Variants in WDR27 observed in about 807,000 individuals in gnomAD.
WDR27 encodes WD repeat-containing protein 27.
Under a neutral mutation model 114.4 loss-of-function variants are expected in WDR27, and 100 were observed. The ratio of observed to expected loss-of-function variants is 0.87; its 90% confidence interval spans 0.74 to 1.03. The LOEUF (loss-of-function observed/expected upper bound fraction) is 1.03, where lower values mean the gene tolerates loss of function less well. WDR27 is among the 50% of genes least tolerant of loss of function. WDR27 has a pLI of 0.00. For synonymous variants in WDR27, 449 were observed against 423.1 expected (o/e 1.06, Z -0.75); for missense variants, 1,129 against 1,092.9 (o/e 1.03, Z -0.47).
intron 2 of WDR27, among the ~76,000 whole-genome samples, chr6:169,676,913 C>T (rs1404067423): frequency 6.6e-6 from 1 of 152,180 alleles, no homozygotes; most frequent in African/African-American, 2.4e-5. Flanking sequence ...GTTCTCAGGA[C>T]CTCAAGACTG....
In WDR27 at chr6:169,688,884, T is replaced by A. The variant is rs759680723; in HGVS notation, c.122A>T (p.Gln41Leu). The A allele has an allele frequency of 1.2e-6, 2 of 1,613,970 alleles. No individual in the cohort carries two copies. Among genetic ancestry groups the A allele is most frequent in the South Asian group, 2.2e-5 (2 of 91,072 alleles). The stretch of plus-strand genomic sequence containing the variant: ...TCCATCCAAAGGGAAAGCACAGTCC[T>A]GCATGCTGCAAGCAAGCTGAACATG... The part of the protein sequence containing the change: ...VSHVQLACSM[Q>L]DCAFPLDGTE... The change falls in exon 2 of 26, where the codon CAG (glutamine) becomes CTG (leucine). Residue 41 changes from glutamine (Q) to leucine (L), a missense_variant. Transcript: ENST00000448612.
intron 24 of WDR27, among the ~76,000 whole-genome samples, chr6:169,575,207 C>T: frequency 6.6e-6 from 1 of 151,690 alleles, no homozygotes; most frequent in Non-Finnish European, 1.5e-5. Flanking sequence ...TCCATCCATC[C>T]ACCCATCCAT....
intron 23 of WDR27, among the ~76,000 whole-genome samples, chr6:169,584,339 G>A (rs1804147208): frequency 1.3e-5 from 2 of 152,154 alleles, no homozygotes; most frequent in Admixed American, 1.3e-4. Flanking sequence ...TGAGCTTTTA[G>A]GTTGTTTCTA....
Position 169,560,296 on chromosome 6 carries a change from G to A in WDR27, c.2645+12123C>T, listed in dbSNP as rs372125895. Among the ~76,000 whole-genome samples the A allele has an allele frequency of 1.1e-3, 175 of 152,198 alleles. 1 individual carries two copies. The highest frequency in any genetic ancestry group is 3.5e-3 in the African/African-American group (147 of 41,518). On this transcript the variant is annotated intron_variant, in intron 25 of 25. Coordinates refer to ENST00000448612, the MANE Select transcript of WDR27 (RefSeq NM_182552.5). Reference sequence around the variant, plus strand: ...ATGTAAAAAGTGCCTTTTACCCTCCGCCATGTCTGGGAGGCCTCCCCAGCC... The same window carrying A: ...ATGTAAAAAGTGCCTTTTACCCTCCACCATGTCTGGGAGGCCTCCCCAGCC...
At chr6:169,660,865 A>G in intron 9 of WDR27, 99 bp from the exon 10 acceptor site, 1 of 1,007,790 alleles carries the variant, frequency 9.9e-7, no homozygotes, top group Non-Finnish European at 1.4e-6. Context: ...TCTCCGCAGG[A>G]GTGGGGAGTG....
chr6:169,511,814 A>C (rs1583881117), intron 25 of WDR27, among the ~76,000 whole-genome samples: 3 of 152,192 alleles, frequency 2.0e-5, no homozygotes, highest in African/African-American at 7.2e-5. Context: ...CATTCATAAA[A>C]AATTGATGGA....
chr6:169,681,226 G>C (rs539121631), intron 2 of WDR27, among the ~76,000 whole-genome samples: 2 of 152,220 alleles, frequency 1.3e-5, no homozygotes, highest in East Asian at 3.8e-4. Context: ...CTGAATGCAG[G>C]AACATGGATC....
chr6:169,563,769 T>G (rs1800014931), intron 25 of WDR27, among the ~76,000 whole-genome samples: 3 of 152,180 alleles, frequency 2.0e-5, no homozygotes, highest in Admixed American at 1.3e-4. Context: ...TGCCTTAATT[T>G]TGTGATTTCT....
intron 25 of WDR27, among the ~76,000 whole-genome samples, chr6:169,495,626 A>G (rs1010541839): frequency 2.6e-5 from 4 of 152,172 alleles, no homozygotes; most frequent in African/African-American, 9.6e-5. Flanking sequence ...AAAAAGCATT[A>G]TAAGAGAGCA....
chr6:169,700,798 A>C (rs1357260573), intron 1 of WDR27, among the ~76,000 whole-genome samples: 1 of 152,250 alleles, frequency 6.6e-6, no homozygotes, highest in Non-Finnish European at 1.5e-5. Flanking sequence ...AAAACATTTA[A>C]ACAATGCAGA....
At chr6:169,511,234 T>C (rs906655946) in intron 25 of WDR27, among the ~76,000 whole-genome samples, 3 of 152,206 alleles carry the variant, frequency 2.0e-5, no homozygotes, top group Non-Finnish European at 4.4e-5. Context: ...TGCAATGTAA[T>C]AAGATCTTAA....
At chr6:169,503,691 C>T (rs140592559) in intron 25 of WDR27, among the ~76,000 whole-genome samples, 2 of 152,270 alleles carry the variant, frequency 1.3e-5, no homozygotes, top group African/African-American at 2.4e-5. Flanking sequence ...TTTCTGATTT[C>T]TGCTGTAATT....
intron 22 of WDR27, among the ~76,000 whole-genome samples, chr6:169,606,523 C>G (rs1039792695): frequency 1.3e-5 from 2 of 152,142 alleles, no homozygotes; most frequent in African/African-American, 4.8e-5. Flanking sequence ...TCCATGTGTT[C>G]TCATTGTTCA....
chr6:169,688,714 G>A, intron 2 of WDR27, 103 bp downstream of exon 2: 1 of 705,800 alleles, frequency 1.4e-6, no homozygotes, highest in Non-Finnish European at 2.1e-6. Flanking sequence ...TCCTATAGTT[G>A]GTAGCTGAAT....
chr6:169,453,777 T>C (rs1016279524), downstream of WDR27, among the ~76,000 whole-genome samples: 14 of 152,184 alleles, frequency 9.2e-5, no homozygotes, highest in African/African-American at 2.9e-4. Flanking sequence ...ATGATACAGA[T>C]TAGTAAGAAT....
downstream of WDR27, among the ~76,000 whole-genome samples, chr6:169,453,419 C>T (rs185627687): frequency 4.5e-3 from 682 of 152,268 alleles, 7 homozygotes; most frequent in African/African-American, 0.016. Flanking sequence ...AGGGCTGGTT[C>T]GTGCTGTTGC....
rs183300897 is a variant in WDR27 at position 169,671,195 on chromosome 6, G to C, written c.332-502C>G. 416 of 155,080 alleles carry C rather than the reference G, an allele frequency of 2.7e-3. 3 individuals are homozygous for C. The highest frequency in any genetic ancestry group is 3.3e-3 in the Non-Finnish European group (231 of 70,016). The allele number at this position is 155,080 out of a possible 1,614,324, so 9.6% of individuals were successfully genotyped here. On this transcript the variant is annotated intron_variant, in intron 3 of 25. Transcript: ENST00000448612. ...TGCAGCCTGATGCAGAGCCCGTCAT[G>C]CAAATCCACACAGGTGAAAGAAAAA...
chr6:169,668,245 C>T, intron 4 of WDR27, 60 bp from the exon 5 acceptor site: 9 of 1,566,712 alleles, frequency 5.7e-6, no homozygotes, highest in Non-Finnish European at 7.9e-6. Flanking sequence ...GTATATAAAC[C>T]AAGGGTGAAA....
intron 1 of WDR27, among the ~76,000 whole-genome samples, chr6:169,692,994 C>T (rs1459863728): frequency 6.6e-6 from 1 of 152,214 alleles, no homozygotes; most frequent in Non-Finnish European, 1.5e-5. Flanking sequence ...TCTCGAAGAA[C>T]TCCTGAGAAA....
Sources: allele counts gnomAD v4.1 joint callset (sites outside exome capture counted in the v4.1 genomes callset), GRCh38; gene constraint gnomAD v4.1.1; transcripts MANE v1.5; gene names NCBI Gene and HGNC (gene_info 2026-07-23, HGNC 2026-07-21).